The following SUGCT variants were observed in gnomAD, a reference collection of about 807,000 sequenced individuals.
SUGCT encodes the protein succinyl-CoA:glutarate CoA-transferase.
Under a neutral mutation model 55.0 loss-of-function variants are expected in SUGCT, and 41 were observed. The observed-to-expected ratio is 0.74, with a 90% CI of 0.58 to 0.97. The LOEUF is 0.97. Ranked by LOEUF, SUGCT falls within the 50% of genes least tolerant of loss-of-function variation. The pLI is 0.00. For synonymous variants in SUGCT, 187 were observed against 200.4 expected, an observed-to-expected ratio of 0.93 and a Z score of 0.56; for missense variants, 568 against 547.8, an observed-to-expected ratio of 1.04 and a Z score of -0.37.
rs11326653 is a variant in SUGCT at position 40,195,222 on chromosome 7, C to CT, written c.484+180dup. ...TGCTGAACTTACTTTTTTCTTTTTT[C>CT]TTTTTTTTTTTTTTTTTTGAGACAG... On this transcript the variant is annotated intron_variant, in intron 6 of 13. Transcript: ENST00000335693. Among the ~76,000 whole-genome samples the CT allele has an allele frequency of 6.5e-3, 661 of 101,238 alleles. 9 individuals are homozygous for CT. The highest frequency in any genetic ancestry group is 0.022 in the South Asian group (65 of 2,906). The allele number at this position is 101,238 out of a possible 152,430, so 66.4% of individuals were successfully genotyped here. A position where few individuals can be genotyped will look rare whatever the true frequency, so the allele number is the denominator to read the frequency against.
At chr7:40,809,554 G>A (rs1921745) in intron 13 of SUGCT, among the ~76,000 whole-genome samples, 25,311 of 152,020 alleles carry the variant, frequency 0.17, 2,566 homozygotes, top group East Asian at 0.41. Context: ...ACCATACTAG[G>A]TTTTGGTTCC....
chr7:40,928,045 T>A, the SUGCT span, among the ~76,000 whole-genome samples: 1 of 152,052 alleles, frequency 6.6e-6, no homozygotes. Context: ...AATCTCTCTT[T>A]TCTTTATATT....
intron 12 of SUGCT, among the ~76,000 whole-genome samples, chr7:40,673,663 C>A (rs569966968): frequency 1.3e-5 from 2 of 152,158 alleles, no homozygotes; most frequent in Non-Finnish European, 2.9e-5. Context: ...GTACAACATA[C>A]AAATGGAGGC....
intron 9 of SUGCT, among the ~76,000 whole-genome samples, chr7:40,396,740 A>G (rs1785754395): frequency 1.3e-5 from 2 of 152,150 alleles, no homozygotes; most frequent in African/African-American, 4.8e-5. Context: ...GGATTCAGGC[A>G]CCTGTTGAAG....
intron 12 of SUGCT, among the ~76,000 whole-genome samples, chr7:40,638,704 G>A (rs1329264341): frequency 6.6e-6 from 1 of 152,144 alleles, no homozygotes; most frequent in Non-Finnish European, 1.5e-5. Flanking sequence ...GAAAGGAGCA[G>A]GGTGTATATT....
At chr7:40,908,975 T>G in the SUGCT span, among the ~76,000 whole-genome samples, 2 of 152,204 alleles carry the variant, frequency 1.3e-5, no homozygotes, top group African/African-American at 2.4e-5. Flanking sequence ...CATAGATACA[T>G]CATATGCAGA....
At chr7:40,357,488 C>T (rs1272162668) in intron 9 of SUGCT, among the ~76,000 whole-genome samples, 2 of 151,998 alleles carry the variant, frequency 1.3e-5, no homozygotes, top group Admixed American at 6.6e-5. Context: ...ATGATTGTGT[C>T]GCTGTGATTT....
chr7:40,718,545 T>C (rs1440301445), intron 12 of SUGCT, among the ~76,000 whole-genome samples: 4 of 152,216 alleles, frequency 2.6e-5, no homozygotes, highest in Non-Finnish European at 5.9e-5. Context: ...GGCTTATTTG[T>C]CAAACATTTA....
At chr7:40,337,892 G>A (rs568488950) in intron 9 of SUGCT, among the ~76,000 whole-genome samples, 7 of 152,218 alleles carry the variant, frequency 4.6e-5, no homozygotes, top group Admixed American at 3.9e-4. Context: ...GGTACAGGTT[G>A]TTCCTTTCCA....
At chr7:40,254,036 C>T (rs562777629) in intron 7 of SUGCT, among the ~76,000 whole-genome samples, 2 of 152,182 alleles carry the variant, frequency 1.3e-5, no homozygotes, top group South Asian at 4.1e-4. Flanking sequence ...GTTATTGAAG[C>T]TCATATGATA....
At chr7:40,357,946 A>C (rs1445351953) in intron 9 of SUGCT, among the ~76,000 whole-genome samples, 1 of 152,210 alleles carries the variant, frequency 6.6e-6, no homozygotes, top group African/African-American at 2.4e-5. Context: ...ATCTATGATG[A>C]GTAGAATGTC....
the SUGCT span, among the ~76,000 whole-genome samples, chr7:41,013,318 G>A: frequency 1.3e-5 from 2 of 152,166 alleles, no homozygotes; most frequent in Non-Finnish European, 2.9e-5. Flanking sequence ...AGTACATCAT[G>A]TAAAATTAGT....
chr7:40,513,562 C>T (rs945373042), intron 12 of SUGCT, among the ~76,000 whole-genome samples: 1 of 152,138 alleles, frequency 6.6e-6, no homozygotes, highest in African/African-American at 2.4e-5. Flanking sequence ...AAGCCAGGAC[C>T]TACCTAACCT....
intron 12 of SUGCT, among the ~76,000 whole-genome samples, chr7:40,595,017 G>A (rs958472317): frequency 2.6e-5 from 4 of 151,688 alleles, no homozygotes; most frequent in Admixed American, 2.6e-4. Context: ...CATTGGCCCT[G>A]AATATGAAAA....
chr7:40,270,521 T>C (rs1791936679), intron 7 of SUGCT, among the ~76,000 whole-genome samples: 1 of 152,216 alleles, frequency 6.6e-6, no homozygotes, highest in Non-Finnish European at 1.5e-5. Context: ...GGCATATTTG[T>C]CAAAAAGTAA....
chr7:40,202,465 G>A (rs1336145838), intron 6 of SUGCT, among the ~76,000 whole-genome samples: 1 of 152,128 alleles, frequency 6.6e-6, no homozygotes, highest in African/African-American at 2.4e-5. Context: ...GTATGCACAT[G>A]CATGCATGTG....
intron 1 of SUGCT, among the ~76,000 whole-genome samples, chr7:40,173,508 C>T (rs1048000492): frequency 1.3e-5 from 2 of 152,208 alleles, no homozygotes; most frequent in Non-Finnish European, 2.9e-5. Context: ...AAGGGGGTTG[C>T]CCACTCCCGG....
intron 9 of SUGCT, among the ~76,000 whole-genome samples, chr7:40,345,074 T>C (rs2151185471): frequency 6.6e-6 from 1 of 152,292 alleles, no homozygotes; most frequent in Admixed American, 6.5e-5. Context: ...CATATACAAA[T>C]AATTAGCAGC....
At chr7:40,968,330 A>C in the SUGCT span, 2 of 152,324 alleles carry the variant, frequency 1.3e-5, no homozygotes, top group East Asian at 3.9e-4. Context: ...CGTGAAACCA[A>C]ACAGTGGAAC....
Sources: gnomAD v4.1 joint callset for allele counts (sites outside exome capture counted in the v4.1 genomes callset) on GRCh38, gnomAD v4.1.1 for gene constraint, MANE v1.5 for transcripts, NCBI Gene and HGNC (gene_info 2026-07-23, HGNC 2026-07-21) for gene names.